The following FBN2 variants were observed in gnomAD, a reference collection of about 807,000 sequenced individuals.
FBN2 encodes fibrillin-2.
In FBN2, 105 loss-of-function variants were observed where a neutral mutation model predicts 355.6. The ratio of observed to expected loss-of-function variants is 0.30; its 90% CI spans 0.25 to 0.35. The LOEUF is 0.35. Among genes scored for constraint, FBN2 ranks in the 10% least tolerant of loss-of-function variants. FBN2 has a pLI of 1.00. For missense variants in FBN2, 3,280 were observed against 3,758.7 expected (o/e 0.87, Z 3.33); for synonymous variants, 1,350 against 1,301.2 (o/e 1.04, Z -0.81).
chr5:128,427,599 T>C (rs1753515661), intron 7 of FBN2, among the ~76,000 whole-genome samples: 1 of 152,232 alleles, frequency 6.6e-6, no homozygotes, highest in Non-Finnish European at 1.5e-5. Context: ...CTGCTCTTTA[T>C]TAATCAATTG....
intron 7 of FBN2, among the ~76,000 whole-genome samples, chr5:128,414,772 T>A (rs1209610156): frequency 6.6e-6 from 1 of 152,142 alleles, no homozygotes; most frequent in Non-Finnish European, 1.5e-5. Context: ...GAGTCCTTCA[T>A]ACACACCACA....
intron 5 of FBN2, among the ~76,000 whole-genome samples, chr5:128,491,987 T>C (rs1755519017): frequency 6.6e-6 from 1 of 152,194 alleles, no homozygotes; most frequent in Admixed American, 6.5e-5. Flanking sequence ...TATGCTATAA[T>C]TTGAATATAG....
chr5:128,294,704 ATTTG>A (rs1749450109), intron 48 of FBN2, among the ~76,000 whole-genome samples: 1 of 149,706 alleles, frequency 6.7e-6, no homozygotes, highest in Admixed American at 6.7e-5. Context: ...TTTCTTGTAA[ATTTG>A]TTTGAGTTCA....
chr5:128,363,283 C>T (rs896964785), intron 18 of FBN2, among the ~76,000 whole-genome samples: 13 of 152,054 alleles, frequency 8.5e-5, no homozygotes, highest in Admixed American at 2.6e-4. Flanking sequence ...CTCCGCATCC[C>T]GGGTTCCAGC....
chr5:128,275,018 T>C (rs1765354602), intron 59 of FBN2, among the ~76,000 whole-genome samples: 1 of 152,148 alleles, frequency 6.6e-6, no homozygotes, highest in Non-Finnish European at 1.5e-5. Flanking sequence ...ACATGGCTGA[T>C]TACTGATTCC....
chr5:128,431,536 C>T lies in FBN2; in HGVS notation c.952+14945G>A, dbSNP rs532624603. 5.3e-5 allele frequency among the ~76,000 whole-genome samples: 8 copies of T among 152,268 alleles called. No individual in the cohort carries two copies. The South Asian group carries it at 1.5e-3, about 28-fold the overall frequency. On this transcript the variant is annotated intron_variant, in intron 7 of 64. Coordinates refer to ENST00000262464, the MANE Select transcript of FBN2 (RefSeq NM_001999.4). ...CAAAACCAGCACAAATTTCTTCTTCCCTCTTCGCAATTACACAGATAAAAA... is the reference window on the plus strand; with the variant it reads ...CAAAACCAGCACAAATTTCTTCTTCTCTCTTCGCAATTACACAGATAAAAA...
chr5:128,335,967 G>C (rs762401503), intron 28 of FBN2, 21 bp downstream of exon 28: 3 of 1,613,288 alleles, frequency 1.9e-6, no homozygotes, highest in Non-Finnish European at 2.5e-6. Context: ...TGAGTTTCAG[G>C]CCTGCTTGGT....
chr5:128,492,607 A>T (rs528541516), intron 5 of FBN2, among the ~76,000 whole-genome samples: 1 of 152,230 alleles, frequency 6.6e-6, no homozygotes, highest in South Asian at 2.1e-4. Context: ...GTTCAAGACC[A>T]GCCTTGCCAA....
chr5:128,524,932 T>C (rs995737478), intron 4 of FBN2, among the ~76,000 whole-genome samples: 1 of 152,248 alleles, frequency 6.6e-6, no homozygotes, highest in East Asian at 1.9e-4. Flanking sequence ...CTGGAAAATG[T>C]GGTAACATCA....
chr5:128,318,057 C>G, intron 36 of FBN2, 92 bp downstream of exon 36: 1 of 1,349,200 alleles, frequency 7.4e-7, no homozygotes, highest in Admixed American at 1.7e-5. Flanking sequence ...TTTAAGTTAA[C>G]TGTAGCAAAC....
intron 23 of FBN2, among the ~76,000 whole-genome samples, chr5:128,348,395 T>G (rs1459106725): frequency 1.3e-5 from 2 of 152,134 alleles, no homozygotes; most frequent in Non-Finnish European, 2.9e-5. Context: ...TTATGTTTTC[T>G]AAATAATTTT....
At chr5:128,449,114 ATTTT>A (rs1197543632) in intron 6 of FBN2, among the ~76,000 whole-genome samples, 2 of 151,454 alleles carry the variant, frequency 1.3e-5, no homozygotes, top group African/African-American at 4.8e-5. Flanking sequence ...ATATTTTCTT[ATTTT>A]TTAATTAACC....
intron 7 of FBN2, among the ~76,000 whole-genome samples, chr5:128,430,173 ATATTTTTTCTT>A (rs1480913342): frequency 1.3e-5 from 2 of 151,724 alleles, no homozygotes; most frequent in Admixed American, 6.6e-5. Context: ...TTACTTGCAA[ATATTTTTTCTT>A]TGGCATTTTT....
At chr5:128,374,860 TA>T in intron 14 of FBN2, 110 bp from the exon 15 acceptor site, 3 of 1,183,240 alleles carry the variant, frequency 2.5e-6, no homozygotes. Flanking sequence ...TATAACTTTA[TA>T]ATTTGTGAAG....
chr5:128,496,099 C>A (rs1489254176), intron 5 of FBN2, among the ~76,000 whole-genome samples: 1 of 152,048 alleles, frequency 6.6e-6, no homozygotes, highest in East Asian at 1.9e-4. Flanking sequence ...CTGGTAAATT[C>A]TACCAAACAT....
At chr5:128,333,095 A>G (rs778505859) in intron 31 of FBN2, 61 bp from the exon 32 acceptor site, 114 of 1,462,152 alleles carry the variant, frequency 7.8e-5, no homozygotes, top group Middle Eastern at 1.7e-4. Context: ...TCTACTTCCA[A>G]GTATATTTTT....
At chr5:128,290,664 A>G in intron 50 of FBN2, 68 bp downstream of exon 50, 1 of 1,470,980 alleles carries the variant, frequency 6.8e-7, no homozygotes, top group Non-Finnish European at 9.5e-7. Context: ...TTACATGGTT[A>G]AACCCACTCT....
At chr5:128,340,011 A>G (rs1750957543) in intron 25 of FBN2, among the ~76,000 whole-genome samples, 1 of 152,160 alleles carries the variant, frequency 6.6e-6, no homozygotes. Context: ...CTCTTTTTAT[A>G]TATTACAGTA....
intron 7 of FBN2, among the ~76,000 whole-genome samples, chr5:128,439,863 G>A (rs1206071283): frequency 6.6e-6 from 1 of 151,494 alleles, no homozygotes; most frequent in Non-Finnish European, 1.5e-5. Flanking sequence ...ACTTTCTTTT[G>A]TATACATAAT....
Sources: gnomAD v4.1 joint callset for allele counts (sites outside exome capture counted in the v4.1 genomes callset) on GRCh38, gnomAD v4.1.1 for gene constraint, MANE v1.5 for transcripts, NCBI Gene and HGNC (gene_info 2026-07-23, HGNC 2026-07-21) for gene names.